PRKG1: variants seen among roughly 807,000 people sequenced by gnomAD.
The protein encoded by PRKG1 is cGMP-dependent protein kinase 1.
A neutral mutation model predicts 88.1 loss-of-function variants in PRKG1; 35 were observed. That is an observed-to-expected ratio of 0.40 (90% confidence interval 0.30 to 0.53). PRKG1 has a LOEUF of 0.53. PRKG1 is among the 20% of genes least tolerant of loss of function. The probability of loss-of-function intolerance (pLI) is 0.59; values close to 1 mark genes in which losing one functional copy is unlikely to be tolerated. For synonymous variants in PRKG1, 303 were observed against 292.5 expected, an observed-to-expected ratio of 1.04 and a Z score of -0.37; for missense variants, 540 against 839.8, an observed-to-expected ratio of 0.64 and a Z score of 4.41.
At chr10:51,967,391 T>C (rs1843596976) in intron 5 of PRKG1, among the ~76,000 whole-genome samples, 1 of 151,668 alleles carries the variant, frequency 6.6e-6, no homozygotes, top group African/African-American at 2.4e-5. Context: ...AAGGGGAACA[T>C]CACACACTGA....
intron 4 of PRKG1, among the ~76,000 whole-genome samples, chr10:51,900,541 A>ATCATATTTCTTAATG (rs1262863667): frequency 1.3e-5 from 2 of 152,216 alleles, no homozygotes; most frequent in Admixed American, 6.6e-5. Context: ...ACATAAAAAA[A>ATCATATTTCTTAATG]TCATATTTCT....
intron 1 of PRKG1, among the ~76,000 whole-genome samples, chr10:51,099,026 G>A (rs1476750264): frequency 6.6e-6 from 1 of 152,152 alleles, no homozygotes; most frequent in Non-Finnish European, 1.5e-5. Flanking sequence ...GTTCCTTGCT[G>A]CACTCTGTGA....
At chr10:51,955,156 T>C (rs1158785849) in intron 5 of PRKG1, among the ~76,000 whole-genome samples, 9 of 152,080 alleles carry the variant, frequency 5.9e-5, no homozygotes. Context: ...TGAAAAGCAG[T>C]ATCCAGATTT....
chr10:51,107,103 C>A (rs1844854360), intron 1 of PRKG1, among the ~76,000 whole-genome samples: 1 of 151,986 alleles, frequency 6.6e-6, no homozygotes, highest in African/African-American at 2.4e-5. Flanking sequence ...TGAGATTGTA[C>A]TTATTAAAAG....
At chr10:51,578,730 A>T (rs1409082098) in intron 3 of PRKG1, among the ~76,000 whole-genome samples, 1 of 152,164 alleles carries the variant, frequency 6.6e-6, no homozygotes, top group Non-Finnish European at 1.5e-5. Flanking sequence ...CAACATTTTC[A>T]ATAGAGTCTG....
chr10:52,293,317 G>A (rs902958123), intron 17 of PRKG1, among the ~76,000 whole-genome samples: 23 of 151,456 alleles, frequency 1.5e-4, no homozygotes, highest in Admixed American at 5.9e-4. Context: ...AATCAATATC[G>A]TGAAAATGGC....
At chr10:51,630,770 G>A (rs891094808) in intron 3 of PRKG1, among the ~76,000 whole-genome samples, 7 of 152,146 alleles carry the variant, frequency 4.6e-5, no homozygotes, top group Non-Finnish European at 1.0e-4. Context: ...CTTTCGAACT[G>A]CAGCCTCTCC....
At chr10:51,359,682 C>A (rs759556863) in intron 2 of PRKG1, among the ~76,000 whole-genome samples, 1 of 151,722 alleles carries the variant, frequency 6.6e-6, no homozygotes, top group African/African-American at 2.4e-5. Flanking sequence ...TGAGACTTTC[C>A]TTGCTGTAAA....
chr10:51,307,430 G>C (rs1336714315), intron 2 of PRKG1, among the ~76,000 whole-genome samples: 1 of 152,086 alleles, frequency 6.6e-6, no homozygotes, highest in Non-Finnish European at 1.5e-5. Context: ...TTTCCAGAAC[G>C]TTTGCTACTA....
At chr10:51,785,126 T>TC (rs917820272) in intron 3 of PRKG1, among the ~76,000 whole-genome samples, 8 of 145,220 alleles carry the variant, frequency 5.5e-5, no homozygotes, top group African/African-American at 2.0e-4. Flanking sequence ...TTCTTCTTCT[T>TC]TTTTTTTTTT....
chr10:51,224,842 A>T (rs1838646839), intron 2 of PRKG1, among the ~76,000 whole-genome samples: 1 of 152,114 alleles, frequency 6.6e-6, no homozygotes, highest in Non-Finnish European at 1.5e-5. Context: ...AATTATAGGG[A>T]GGGTTGAGGT....
intron 5 of PRKG1, among the ~76,000 whole-genome samples, chr10:52,030,057 C>G (rs1402190933): frequency 6.6e-6 from 1 of 152,088 alleles, no homozygotes; most frequent in Non-Finnish European, 1.5e-5. Context: ...GTGATGCATC[C>G]CTGTTTAAAT....
At chr10:52,079,287 A>T (rs1003113096) in intron 7 of PRKG1, among the ~76,000 whole-genome samples, 3 of 151,930 alleles carry the variant, frequency 2.0e-5, no homozygotes, top group African/African-American at 7.3e-5. Context: ...TTAGATGTGC[A>T]TGGTTTTTTT....
At chr10:52,133,970 A>G in intron 8 of PRKG1, 65 bp downstream of exon 8, 1 of 1,228,446 alleles carries the variant, frequency 8.1e-7, no homozygotes, top group Admixed American at 1.9e-5. Context: ...AGTTCTTGGA[A>G]TTAGACATCA....
At chr10:52,220,135 A>G (rs1358390308) in intron 9 of PRKG1, among the ~76,000 whole-genome samples, 2 of 152,100 alleles carry the variant, frequency 1.3e-5, no homozygotes, top group East Asian at 3.9e-4. Flanking sequence ...GGCCCCAGTG[A>G]CATTCAGAAT....
chr10:52,065,078 A>C (rs1402210647), intron 7 of PRKG1, among the ~76,000 whole-genome samples: 2 of 152,146 alleles, frequency 1.3e-5, no homozygotes, highest in Non-Finnish European at 2.9e-5. Flanking sequence ...AGAAGCAAGC[A>C]CTTGGGGGTT....
chr10:52,189,058 T>C (rs1054389746), intron 9 of PRKG1, among the ~76,000 whole-genome samples: 1 of 152,206 alleles, frequency 6.6e-6, no homozygotes, highest in African/African-American at 2.4e-5. Flanking sequence ...TGCAATGTTA[T>C]TTGAGCAATA....
At chr10:51,749,587 A>C (rs1431218422) in intron 3 of PRKG1, among the ~76,000 whole-genome samples, 2 of 152,214 alleles carry the variant, frequency 1.3e-5, no homozygotes, top group Non-Finnish European at 2.9e-5. Flanking sequence ...TTTGGGGGTT[A>C]GATCTTCAAC....
chr10:51,942,413 T>G (rs1426466385), intron 5 of PRKG1, among the ~76,000 whole-genome samples: 3 of 150,542 alleles, frequency 2.0e-5, no homozygotes, highest in African/African-American at 7.3e-5. Context: ...GCCTGTTCAC[T>G]CTGATGGTAG....
Sources: allele counts gnomAD v4.1 joint callset (sites outside exome capture counted in the v4.1 genomes callset), GRCh38; gene constraint gnomAD v4.1.1; transcripts MANE v1.5; gene names NCBI Gene and HGNC (gene_info 2026-07-23, HGNC 2026-07-21).